Variants in RARB observed in about 807,000 individuals in gnomAD.
RARB encodes the protein HBV-activated protein.
Under a neutral mutation model 51.9 loss-of-function variants are expected in RARB, and 17 were observed. That is an observed-to-expected ratio of 0.33 (90% CI 0.22 to 0.49). The LOEUF (loss-of-function observed/expected upper bound fraction) is 0.49, where lower values mean the gene tolerates loss of function less well. Among genes scored for constraint, RARB ranks in the 20% least tolerant of loss-of-function variants. The pLI is 0.99. For synonymous variants in RARB, 215 were observed against 195.4 expected (o/e 1.10, Z -0.84); for missense variants, 369 against 550.8 (o/e 0.67, Z 3.30).
At chr3:24,831,503 C>A (rs917371659) in intron 1 of RARB, among the ~76,000 whole-genome samples, 1 of 152,042 alleles carries the variant, frequency 6.6e-6, no homozygotes, top group Non-Finnish European at 1.5e-5. Context: ...CAACAGAAAG[C>A]GTGAAACAAA....
intron 4 of RARB, among the ~76,000 whole-genome samples, chr3:25,143,480 C>G (rs1378660176): frequency 3.9e-5 from 6 of 152,190 alleles, no homozygotes; most frequent in Non-Finnish European, 4.4e-5. Flanking sequence ...GATGAGGCAG[C>G]CTCCAGTAGG....
intron 2 of RARB, among the ~76,000 whole-genome samples, chr3:24,919,646 A>C (rs979351307): frequency 5.3e-5 from 8 of 152,200 alleles, no homozygotes; most frequent in African/African-American, 7.2e-5. Flanking sequence ...GCTCAATTAA[A>C]CTGTTTAGTA....
chr3:25,290,225 G>C (rs565265564), intron 5 of RARB, among the ~76,000 whole-genome samples: 2 of 152,066 alleles, frequency 1.3e-5, no homozygotes, highest in African/African-American at 4.8e-5. Flanking sequence ...TTGGAAATAT[G>C]GTCTTTAAAG....
chr3:24,949,915 C>T (rs1184676696), intron 2 of RARB, among the ~76,000 whole-genome samples: 4 of 152,194 alleles, frequency 2.6e-5, no homozygotes, highest in African/African-American at 9.7e-5. Flanking sequence ...AGGAAACTGA[C>T]ACCGGATTCT....
intron 3 of RARB, among the ~76,000 whole-genome samples, chr3:25,067,005 A>G (rs760781180): frequency 6.6e-6 from 1 of 152,200 alleles, no homozygotes. Flanking sequence ...ACAGTGAACT[A>G]CTACTACATG....
chr3:24,853,349 ATCTTTATAGATTTTGATTATTTCTATG>A (rs1702587429), intron 1 of RARB, among the ~76,000 whole-genome samples: 1 of 152,084 alleles, frequency 6.6e-6, no homozygotes, highest in Non-Finnish European at 1.5e-5. Context: ...AATGAACTGT[ATCTTTATAGATTTTGATTATTTCTATG>A]TCAATTCTCA....
intron 2 of RARB, among the ~76,000 whole-genome samples, chr3:24,874,855 T>A (rs1703011419): frequency 6.6e-6 from 1 of 152,052 alleles, no homozygotes; most frequent in South Asian, 2.1e-4. Context: ...TTCTATTTTG[T>A]TATTAAAGTT....
At chr3:25,191,982 A>C (rs1701115174) in intron 5 of RARB, among the ~76,000 whole-genome samples, 1 of 152,108 alleles carries the variant, frequency 6.6e-6, no homozygotes, top group South Asian at 2.1e-4. Flanking sequence ...GTGTTGACAT[A>C]ATATCGAATC....
At chr3:25,247,924 ATTTC>A (rs1404933106) in intron 5 of RARB, among the ~76,000 whole-genome samples, 2 of 152,122 alleles carry the variant, frequency 1.3e-5, no homozygotes, top group Non-Finnish European at 2.9e-5. Context: ...TAAATCTAGT[ATTTC>A]TTTGTTAGTT....
At chr3:24,958,736 T>G (rs1006637423) in intron 2 of RARB, among the ~76,000 whole-genome samples, 20 of 152,230 alleles carry the variant, frequency 1.3e-4, no homozygotes, top group Admixed American at 1.3e-4. Context: ...ATCAGATGTT[T>G]CTTGATGTCT....
chr3:25,171,145 C>T (rs1000254700), intron 4 of RARB, among the ~76,000 whole-genome samples: 1 of 152,040 alleles, frequency 6.6e-6, no homozygotes, highest in Non-Finnish European at 1.5e-5. Context: ...CCCAGAGAAT[C>T]TCTTGGCTGG....
At chr3:25,592,923 G>A (rs1048044723) in intron 5 of RARB, among the ~76,000 whole-genome samples, 1 of 152,176 alleles carries the variant, frequency 6.6e-6, no homozygotes, top group African/African-American at 2.4e-5. Flanking sequence ...CATCATGGGA[G>A]AGAGAGCCTA....
chr3:25,231,366 C>T (rs1702172305), intron 5 of RARB, among the ~76,000 whole-genome samples: 1 of 152,120 alleles, frequency 6.6e-6, no homozygotes, highest in African/African-American at 2.4e-5. Flanking sequence ...TGTTTAGAAG[C>T]ACCAAGACAA....
In RARB at chr3:25,472,380, A is replaced by G. The variant is rs1695740125; in HGVS notation, c.306+11039A>G. Among the ~76,000 whole-genome samples, 4 of 152,218 alleles carry G rather than the reference A, an allele frequency of 2.6e-5. No individual in the cohort carries two copies. The South Asian group carries it at 6.2e-4, about 24-fold the overall frequency. On this transcript the variant is annotated intron_variant, in intron 2 of 7. Coordinates refer to ENST00000330688, the MANE Select transcript of RARB (RefSeq NM_000965.5). The stretch of plus-strand genomic sequence containing the variant: ...GGCATACCTCATTGGCTAGAATGGG[A>G]CACGTGACCAAAACCAACTGCAAAG...
At chr3:25,521,456 T>C (rs971855474) in intron 3 of RARB, among the ~76,000 whole-genome samples, 3 of 152,186 alleles carry the variant, frequency 2.0e-5, no homozygotes, top group South Asian at 4.1e-4. Flanking sequence ...TTCTGAGTTA[T>C]TCCTGGTGCC....
At chr3:25,049,850 T>A (rs142034551) in intron 2 of RARB, among the ~76,000 whole-genome samples, 3 of 152,348 alleles carry the variant, frequency 2.0e-5, no homozygotes, top group African/African-American at 7.2e-5. Context: ...TTTATTTGTT[T>A]GATACGTATT....
intron 5 of RARB, among the ~76,000 whole-genome samples, chr3:25,244,640 C>G (rs1197977896): frequency 6.6e-6 from 1 of 152,122 alleles, no homozygotes; most frequent in Admixed American, 6.6e-5. Context: ...GTTTCTTAAT[C>G]CTGAGTTCTA....
chr3:25,511,225 T>C (rs866906103), intron 3 of RARB, among the ~76,000 whole-genome samples: 66 of 152,130 alleles, frequency 4.3e-4, no homozygotes, highest in African/African-American at 1.4e-3. Context: ...CTCCGCCTCC[T>C]GGGTTCACGC....
chr3:25,067,184 G>C (rs1698680038), intron 3 of RARB, among the ~76,000 whole-genome samples: 1 of 152,156 alleles, frequency 6.6e-6, no homozygotes, highest in Non-Finnish European at 1.5e-5. Flanking sequence ...GAGGTGATTT[G>C]AGCGTCCTTG....
Sources: allele counts gnomAD v4.1 joint callset (sites outside exome capture counted in the v4.1 genomes callset), GRCh38; gene constraint gnomAD v4.1.1; transcripts MANE v1.5; gene names NCBI Gene and HGNC (gene_info 2026-07-23, HGNC 2026-07-21).